The following SLC25A21 variants were observed in gnomAD, a reference collection of about 807,000 sequenced individuals.
SLC25A21 encodes solute carrier family 25 member 21.
SLC25A21 carries 47 observed loss-of-function variants against 43.8 expected under a neutral mutation model. The observed-to-expected ratio is 1.07, with a 90% CI of 0.85 to 1.37. SLC25A21 has a LOEUF of 1.37. SLC25A21 is among the 40% of genes most tolerant of loss of function. SLC25A21 has a pLI of 0.00. For synonymous variants in SLC25A21, 131 were observed against 121.3 expected (o/e 1.08, Z -0.52); for missense variants, 352 against 350.2 (o/e 1.00, Z -0.04).
chr14:37,042,259 A>G (rs1961489606), intron 1 of SLC25A21, among the ~76,000 whole-genome samples: 6 of 152,198 alleles, frequency 3.9e-5, no homozygotes, highest in Admixed American at 3.9e-4. Context: ...CAAACTTTCT[A>G]TTTGGACTTC....
intron 1 of SLC25A21, among the ~76,000 whole-genome samples, chr14:36,994,303 G>T (rs1051710456): frequency 6.6e-6 from 1 of 152,080 alleles, no homozygotes; most frequent in Non-Finnish European, 1.5e-5. Flanking sequence ...TATTCCCTTC[G>T]GGAAGGAGGA....
chr14:36,951,241 A>G (rs1201903796), intron 1 of SLC25A21, among the ~76,000 whole-genome samples: 1 of 152,128 alleles, frequency 6.6e-6, no homozygotes, highest in Non-Finnish European at 1.5e-5. Context: ...ATTACAAAAA[A>G]AAAAAAAAAA....
At chr14:36,719,414 G>A (rs185082743) in intron 6 of SLC25A21, among the ~76,000 whole-genome samples, 2 of 152,288 alleles carry the variant, frequency 1.3e-5, no homozygotes, top group East Asian at 3.9e-4. Context: ...CTTTGCCTGG[G>A]TTTAGTTTGA....
intron 1 of SLC25A21, among the ~76,000 whole-genome samples, chr14:36,896,494 A>T (rs1021173294): frequency 6.6e-6 from 1 of 152,174 alleles, no homozygotes; most frequent in Admixed American, 6.5e-5. Flanking sequence ...CTCTTTATCC[A>T]ATTTGCCAGT....
chr14:36,898,792 G>T (rs948140278), intron 1 of SLC25A21, among the ~76,000 whole-genome samples: 1 of 152,162 alleles, frequency 6.6e-6, no homozygotes, highest in Admixed American at 6.5e-5. Flanking sequence ...TGGCCAGGGA[G>T]ATGTTGATCA....
chr14:36,996,052 C>A (rs1170409212), intron 1 of SLC25A21, among the ~76,000 whole-genome samples: 1 of 152,174 alleles, frequency 6.6e-6, no homozygotes, highest in Admixed American at 6.6e-5. Context: ...CAACCTGGGT[C>A]TCCAAAGTTT....
At chr14:37,104,113 T>C (rs1962868607) in intron 1 of SLC25A21, among the ~76,000 whole-genome samples, 1 of 152,064 alleles carries the variant, frequency 6.6e-6, no homozygotes, top group East Asian at 1.9e-4. Flanking sequence ...CCAATGGGAG[T>C]TCTGAAATGG....
chr14:37,102,495 C>A (rs1566883123), intron 1 of SLC25A21, among the ~76,000 whole-genome samples: 1 of 151,632 alleles, frequency 6.6e-6, no homozygotes, highest in Non-Finnish European at 1.5e-5. Flanking sequence ...TTTTCCTAGT[C>A]CCCTAGGTTT....
intron 1 of SLC25A21, among the ~76,000 whole-genome samples, chr14:36,914,081 A>G (rs1247968339): frequency 6.6e-6 from 1 of 152,208 alleles, no homozygotes; most frequent in Non-Finnish European, 1.5e-5. Context: ...TGCTAAATAC[A>G]CTGAAATCAG....
intron 1 of SLC25A21, among the ~76,000 whole-genome samples, chr14:37,037,528 G>A (rs1369556640): frequency 6.6e-6 from 1 of 152,062 alleles, no homozygotes; most frequent in African/African-American, 2.4e-5. Context: ...AATTCCTCCT[G>A]TTTTCTCTCT....
intron 3 of SLC25A21, among the ~76,000 whole-genome samples, chr14:36,747,677 G>A (rs1407479638): frequency 1.3e-5 from 2 of 152,174 alleles, no homozygotes; most frequent in African/African-American, 4.8e-5. Context: ...CAAGCAGACT[G>A]TTCCCCAAGT....
rs1890154424 is a variant in SLC25A21, at chr14:36,864,406, TTTGA to T, written c.119+10546_119+10549del. Among the ~76,000 whole-genome samples the T allele has an allele frequency of 2.0e-5, 3 of 152,354 alleles. No individual in the cohort carries two copies. In the South Asian group the frequency reaches 6.2e-4, roughly 32 times the overall value. ...TTACCCATCTTGTGCCCTGTTTTTA[TTTGA>T]TTATGTTATTAAACAAAATCTTTAC... On this transcript the variant is annotated intron_variant, in intron 2 of 9. Coordinates refer to ENST00000331299, the MANE Select transcript of SLC25A21 (RefSeq NM_030631.4).
intron 1 of SLC25A21, among the ~76,000 whole-genome samples, chr14:36,894,492 C>T (rs1449606168): frequency 6.6e-6 from 1 of 152,064 alleles, no homozygotes; most frequent in South Asian, 2.1e-4. Context: ...CAAACAGGGA[C>T]AATTTGACTT....
At chr14:36,837,886 T>C (rs1889262567) in intron 2 of SLC25A21, among the ~76,000 whole-genome samples, 1 of 152,188 alleles carries the variant, frequency 6.6e-6, no homozygotes, top group Non-Finnish European at 1.5e-5. Flanking sequence ...CCAGTGTCCA[T>C]TACTGACTCT....
At chr14:36,998,020 G>A (rs761307408) in intron 1 of SLC25A21, among the ~76,000 whole-genome samples, 46 of 152,086 alleles carry the variant, frequency 3.0e-4, no homozygotes, top group Admixed American at 5.9e-4. Context: ...TTCAATAATA[G>A]AATTCATTTG....
At chr14:36,768,260 C>T (rs751808574) in intron 3 of SLC25A21, among the ~76,000 whole-genome samples, 4 of 152,128 alleles carry the variant, frequency 2.6e-5, no homozygotes, top group Admixed American at 2.0e-4. Flanking sequence ...GTTTGAGAAC[C>T]AGCAAGCTAG....
intron 1 of SLC25A21, among the ~76,000 whole-genome samples, chr14:37,091,508 CA>C (rs1435891818): frequency 1.3e-5 from 2 of 150,898 alleles, no homozygotes; most frequent in Non-Finnish European, 2.9e-5. Context: ...AAATCATGAA[CA>C]AAAAAGCCCC....
intron 6 of SLC25A21, among the ~76,000 whole-genome samples, chr14:36,713,082 G>A (rs1290586525): frequency 6.6e-6 from 1 of 152,086 alleles, no homozygotes; most frequent in Non-Finnish European, 1.5e-5. Flanking sequence ...ACTAACACAG[G>A]TTCTCCCTGC....
chr14:36,697,596 G>A (rs1016530624), intron 7 of SLC25A21, among the ~76,000 whole-genome samples: 2 of 152,256 alleles, frequency 1.3e-5, no homozygotes, highest in Middle Eastern at 3.4e-3. Flanking sequence ...GGGTGCTCCT[G>A]TATTGGGTGC....
Sources: allele counts gnomAD v4.1 joint callset (sites outside exome capture counted in the v4.1 genomes callset), GRCh38; gene constraint gnomAD v4.1.1; transcripts MANE v1.5; gene names NCBI Gene and HGNC (gene_info 2026-07-23, HGNC 2026-07-21).